Variants in BTRC observed in about 807,000 individuals in gnomAD.
BTRC encodes the protein beta-transducin repeat containing E3 ubiquitin protein ligase, also known as F-box/WD repeat-containing protein 1A.
Under a neutral mutation model 85.5 loss-of-function variants are expected in BTRC, and 42 were observed. The ratio of observed to expected loss-of-function variants is 0.49; its 90% CI spans 0.38 to 0.64. BTRC has a LOEUF of 0.64. Among genes scored for constraint, BTRC ranks in the 30% least tolerant of loss-of-function variants. BTRC has a pLI of 0.00. For synonymous variants in BTRC, 255 were observed against 263.3 expected (o/e 0.97, Z 0.30); for missense variants, 594 against 743.5 (o/e 0.80, Z 2.34).
At chr10:101,517,036 C>T (rs2062033754) in intron 4 of BTRC, among the ~76,000 whole-genome samples, 1 of 152,138 alleles carries the variant, frequency 6.6e-6, no homozygotes, top group African/African-American at 2.4e-5. Context: ...TGTTAGTTCT[C>T]TAAATCTTCA....
Position 101,538,364 on chromosome 10 carries a change from C to T in BTRC, c.1649C>T (p.Thr550Ile). Residue 550 changes from threonine to isoleucine, a missense_variant, in exon 13 of 15, where the codon ACC (threonine) becomes ATC (isoleucine). Coordinates refer to ENST00000370187, the MANE Select transcript of BTRC (RefSeq NM_033637.4). Reference protein sequence around the residue: ...RAPAGTLCLRTLVEHSGRVFR... With the variant: ...RAPAGTLCLRILVEHSGRVFR... ...CCTGCAGGGACACTCTGTCTACGGACCCTTGTGGTAAGAGCCTTGCTGTTT... is the reference window on the plus strand; with the variant it reads ...CCTGCAGGGACACTCTGTCTACGGATCCTTGTGGTAAGAGCCTTGCTGTTT... 1 of 1,613,184 alleles carries T rather than the reference C, an allele frequency of 6.2e-7. No individual in the cohort carries two copies. Among genetic ancestry groups the T allele is most frequent in the Non-Finnish European group, 8.5e-7 (1 of 1,179,186 alleles).
chr10:101,532,551 T>C, intron 8 of BTRC, 119 bp downstream of exon 8: 1 of 1,333,198 alleles, frequency 7.5e-7, no homozygotes. Flanking sequence ...GATTTTAGAT[T>C]GTTTCCAGTC....
At chr10:101,526,353 A>G (rs931965311) in intron 6 of BTRC, among the ~76,000 whole-genome samples, 154 bp downstream of exon 6, 5 of 152,250 alleles carry the variant, frequency 3.3e-5, no homozygotes, top group African/African-American at 1.2e-4. Context: ...ACAAATGTTC[A>G]TATACTCAGC....
chr10:101,388,356 TTTTA>T (rs869055820), intron 1 of BTRC, among the ~76,000 whole-genome samples: 2 of 100,842 alleles, frequency 2.0e-5, no homozygotes, highest in African/African-American at 8.2e-5. Flanking sequence ...TTTTATTTTA[TTTTA>T]TTTATTTATT....
At chr10:101,518,591 G>T (rs1233658992) in intron 4 of BTRC, among the ~76,000 whole-genome samples, 1 of 152,150 alleles carries the variant, frequency 6.6e-6, no homozygotes, top group Non-Finnish European at 1.5e-5. Flanking sequence ...GGGCCAATCT[G>T]TGGAGATTAG....
intron 6 of BTRC, 23 bp downstream of exon 6, chr10:101,526,222 T>A (rs1482507559): frequency 6.2e-7 from 1 of 1,602,646 alleles, no homozygotes; most frequent in Non-Finnish European, 8.5e-7. Context: ...CTTTTCTTAC[T>A]CTTATACGGC....
chr10:101,517,707 A>G (rs1215678163), intron 4 of BTRC, among the ~76,000 whole-genome samples: 18 of 152,170 alleles, frequency 1.2e-4, no homozygotes, highest in Non-Finnish European at 2.9e-5. Flanking sequence ...TGATTTCTGA[A>G]TCTTTTCCCA....
intron 1 of BTRC, among the ~76,000 whole-genome samples, chr10:101,357,689 A>G (rs368376311): frequency 6.6e-6 from 1 of 152,172 alleles, no homozygotes; most frequent in African/African-American, 2.4e-5. Flanking sequence ...ACTCTCACAA[A>G]TTTGCTCATT....
rs1215725014 is a variant in BTRC at position 101,366,998 on chromosome 10, A to G, written c.48+12770A>G. On this transcript the variant is annotated intron_variant, in intron 1 of 14. Coordinates refer to ENST00000370187, the MANE Select transcript of BTRC (RefSeq NM_033637.4). ...TATTTATATATTTATATATATTAATATATATATTTATATATATATTTATAT... is the reference window on the plus strand; with the variant it reads ...TATTTATATATTTATATATATTAATGTATATATTTATATATATATTTATAT... Among the ~76,000 whole-genome samples, 3 of 72,368 alleles carry G rather than the reference A, an allele frequency of 4.1e-5. 1 individual carries two copies. The highest frequency in any genetic ancestry group is 1.1e-4 in the African/African-American group (2 of 17,418). The allele number at this position is 72,368 out of a possible 152,430, so 47.5% of individuals were successfully genotyped here. A position where few individuals can be genotyped will look rare whatever the true frequency, so the allele number is the denominator to read the frequency against.
chr10:101,525,383 T>G (rs1409528152), intron 5 of BTRC, among the ~76,000 whole-genome samples: 2 of 152,182 alleles, frequency 1.3e-5, no homozygotes, highest in Non-Finnish European at 2.9e-5. Context: ...TACTCTCAAA[T>G]ATAGTTTTTT....
intron 1 of BTRC, among the ~76,000 whole-genome samples, chr10:101,389,457 T>G (rs1411264444): frequency 6.6e-6 from 1 of 152,114 alleles, no homozygotes; most frequent in Non-Finnish European, 1.5e-5. Context: ...TAAAATGTTC[T>G]AATATCTTCC....
chr10:101,497,096 G>T (rs1048374760), intron 4 of BTRC, among the ~76,000 whole-genome samples: 2 of 152,212 alleles, frequency 1.3e-5, no homozygotes, highest in East Asian at 3.9e-4. Flanking sequence ...TATGATGCGT[G>T]GTAGAGGTGA....
intron 3 of BTRC, among the ~76,000 whole-genome samples, chr10:101,473,324 G>T (rs1196057111): frequency 6.6e-6 from 1 of 150,954 alleles, no homozygotes; most frequent in Non-Finnish European, 1.5e-5. Context: ...TCACTCTGTT[G>T]CTCAGGCTGA....
intron 13 of BTRC, among the ~76,000 whole-genome samples, chr10:101,543,429 CAT>C (rs905919068): frequency 2.7e-5 from 4 of 148,860 alleles, no homozygotes; most frequent in Non-Finnish European, 5.9e-5. Context: ...ATGAATTTCT[CAT>C]ATTCAGCATA....
chr10:101,429,122 A>G (rs1306520782), intron 1 of BTRC, among the ~76,000 whole-genome samples: 2 of 152,212 alleles, frequency 1.3e-5, no homozygotes, highest in African/African-American at 2.4e-5. Flanking sequence ...AATGTTACCT[A>G]TATTGACTAC....
chr10:101,507,837 C>CT (rs889355846), intron 4 of BTRC, among the ~76,000 whole-genome samples: 16 of 151,446 alleles, frequency 1.1e-4, no homozygotes, highest in South Asian at 2.1e-4. Flanking sequence ...ACATTATGTC[C>CT]TTTTTTTTTC....
At position 101,535,394 on chromosome 10, in the gene BTRC, A is replaced by G; in HGVS notation, c.1388A>G (p.Asn463Ser). 2 of 1,614,146 alleles carry G rather than the reference A, an allele frequency of 1.2e-6. No individual in the cohort carries two copies. Among genetic ancestry groups the G allele is most frequent in the Non-Finnish European group, 8.5e-7 (1 of 1,180,002 alleles). The stretch of plus-strand genomic sequence containing the variant: ...ACTTGTGAATTTGTAAGGACCTTAA[A>G]TGGACACAAACGAGGCATTGCCTGT... ...TSTCEFVRTL[N>S]GHKRGIACLQ... is the part of the protein sequence containing the mutation. The change falls in exon 11 of 15, where the codon AAT (asparagine) becomes AGT (serine). Residue 463 changes from asparagine (N) to serine (S), a missense_variant. Physicochemically the swap from Asn to Ser is conservative, Grantham distance 46. Transcript: ENST00000370187.
intron 4 of BTRC, among the ~76,000 whole-genome samples, chr10:101,494,403 A>G (rs1173058994): frequency 6.6e-6 from 1 of 152,244 alleles, no homozygotes; most frequent in African/African-American, 2.4e-5. Context: ...GAAATTGCTA[A>G]AGCTGACTTT....
intron 1 of BTRC, among the ~76,000 whole-genome samples, chr10:101,409,942 CA>C (rs1943731796): frequency 6.6e-6 from 1 of 151,988 alleles, no homozygotes; most frequent in African/African-American, 2.4e-5. Context: ...AGGTATATAC[CA>C]AAATTGCTAT....
Sources: allele counts gnomAD v4.1 joint callset (sites outside exome capture counted in the v4.1 genomes callset), GRCh38; gene constraint gnomAD v4.1.1; transcripts MANE v1.5; gene names NCBI Gene and HGNC (gene_info 2026-07-23, HGNC 2026-07-21).